SDK1: variants seen among roughly 807,000 people sequenced by gnomAD.
SDK1 encodes the protein protein sidekick-1.
In SDK1, 157 loss-of-function variants were observed where a neutral mutation model predicts 245.5. The ratio of observed to expected loss-of-function variants is 0.64; its 90% CI spans 0.56 to 0.73. The LOEUF (loss-of-function observed/expected upper bound fraction) is 0.73. Among genes scored for constraint, SDK1 ranks in the 30% least tolerant of loss-of-function variants. The pLI is 0.00. For missense variants in SDK1, 3,583 were observed against 3,002.3 expected (o/e 1.19, Z -4.52); for synonymous variants, 1,647 against 1,278.5 (o/e 1.29, Z -6.15).
At chr7:3,710,421 G>T (rs28402987) in intron 4 of SDK1, among the ~76,000 whole-genome samples, 2 of 152,000 alleles carry the variant, frequency 1.3e-5, no homozygotes, top group African/African-American at 2.4e-5. Context: ...CTCAAATCTG[G>T]TTATTCTTTA....
intron 1 of SDK1, among the ~76,000 whole-genome samples, chr7:3,366,702 C>G (rs940666230): frequency 4.0e-5 from 6 of 151,784 alleles, no homozygotes; most frequent in African/African-American, 9.7e-5. Flanking sequence ...TGTCTTTTGC[C>G]TATTTGTATA....
intron 17 of SDK1, among the ~76,000 whole-genome samples, chr7:4,022,890 C>T (rs534382509): frequency 6.6e-6 from 1 of 151,814 alleles, no homozygotes; most frequent in African/African-American, 2.4e-5. Flanking sequence ...TCTCCTGCCT[C>T]AGCCTCCCAA....
At chr7:4,041,304 G>A (rs202102064) in intron 17 of SDK1, among the ~76,000 whole-genome samples, 1 of 108,496 alleles carries the variant, frequency 9.2e-6, no homozygotes, top group African/African-American at 5.5e-5. Context: ...TTTTTTTTTG[G>A]AGTACTTTCA....
intron 1 of SDK1, among the ~76,000 whole-genome samples, chr7:3,324,411 G>A (rs1461105523): frequency 6.6e-6 from 1 of 151,956 alleles, no homozygotes; most frequent in Non-Finnish European, 1.5e-5. Context: ...GCAGTTTTTT[G>A]CTTGCCTGTT....
chr7:4,225,944 G>A (rs543809773), intron 40 of SDK1, among the ~76,000 whole-genome samples: 20 of 146,242 alleles, frequency 1.4e-4, no homozygotes, highest in East Asian at 5.8e-4. Context: ...CAAGCAGGCC[G>A]CGGGACCCGT....
chr7:3,510,000 C>T (rs377115992), intron 1 of SDK1, among the ~76,000 whole-genome samples: 10 of 152,130 alleles, frequency 6.6e-5, no homozygotes, highest in Admixed American at 6.5e-4. Flanking sequence ...CAAGGACTTT[C>T]CAGAGCTCCC....
intron 1 of SDK1, among the ~76,000 whole-genome samples, chr7:3,506,035 A>T (rs1229687663): frequency 1.3e-5 from 2 of 152,126 alleles, no homozygotes; most frequent in African/African-American, 2.4e-5. Flanking sequence ...ATAAGAAAAA[A>T]ATTCATTTGT....
intron 44 of SDK1, among the ~76,000 whole-genome samples, chr7:4,263,319 C>T (rs1583202089): frequency 6.6e-6 from 1 of 150,912 alleles, no homozygotes; most frequent in Admixed American, 6.6e-5. Context: ...TATGTTCTGC[C>T]CTGTAGGGGC....
intron 42 of SDK1, 32 bp from the exon 43 acceptor site, chr7:4,241,761 A>C (rs770170945): frequency 6.2e-7 from 1 of 1,613,424 alleles, no homozygotes; most frequent in Non-Finnish European, 8.5e-7. Flanking sequence ...CACCAGTAAC[A>C]CGTCTGTTCT....
intron 29 of SDK1, among the ~76,000 whole-genome samples, chr7:4,148,789 G>T (rs926395706): frequency 6.6e-6 from 1 of 152,224 alleles, no homozygotes; most frequent in Non-Finnish European, 1.5e-5. Flanking sequence ...TGGGTGTAGT[G>T]GCTCACGCCT....
chr7:3,800,194 A>G (rs562016544), intron 4 of SDK1, among the ~76,000 whole-genome samples: 2 of 152,240 alleles, frequency 1.3e-5, no homozygotes, highest in African/African-American at 4.8e-5. Flanking sequence ...ATGGGGGAAC[A>G]CAAAACTTCC....
intron 4 of SDK1, among the ~76,000 whole-genome samples, chr7:3,809,253 C>G (rs1583436593): frequency 6.6e-6 from 1 of 152,068 alleles, no homozygotes; most frequent in Non-Finnish European, 1.5e-5. Context: ...CCAGATCTCA[C>G]AAGAAGTCAC....
At chr7:3,528,384 G>A (rs1160078353) in intron 1 of SDK1, among the ~76,000 whole-genome samples, 1 of 151,904 alleles carries the variant, frequency 6.6e-6, no homozygotes, top group Non-Finnish European at 1.5e-5. Context: ...TAGGGGGTGA[G>A]TGGTGGGAGG....
intron 4 of SDK1, among the ~76,000 whole-genome samples, chr7:3,657,642 G>T (rs1783229941): frequency 6.6e-6 from 1 of 152,172 alleles, no homozygotes; most frequent in African/African-American, 2.4e-5. Context: ...CATCTGTTTG[G>T]CCTCTGAGGA....
At chr7:3,790,501 T>C (rs1469693777) in intron 4 of SDK1, among the ~76,000 whole-genome samples, 1 of 152,016 alleles carries the variant, frequency 6.6e-6, no homozygotes, top group Non-Finnish European at 1.5e-5. Flanking sequence ...AAATACCAGA[T>C]CACATGGTTA....
In SDK1 at chr7:3,666,028, T is replaced by G. The variant is rs562665136; in HGVS notation, c.713+23923T>G. On this transcript the variant is annotated intron_variant, in intron 4 of 44. Transcript: ENST00000404826. ...TTTCTTCCTGCCACCACCTTTGTTC[T>G]GGCCATTGGCATAATTCTGCTTAGA... 3.9e-5 allele frequency among the ~76,000 whole-genome samples: 6 copies of G among 152,338 alleles called. No individual in the cohort carries two copies. The South Asian group carries it at 1.2e-3, about 32-fold the overall frequency.
intron 1 of SDK1, among the ~76,000 whole-genome samples, chr7:3,369,389 G>C (rs753734265): frequency 3.3e-5 from 5 of 152,148 alleles, no homozygotes; most frequent in Non-Finnish European, 7.3e-5. Context: ...GGTACTGTCT[G>C]TGGTCACTTT....
At chr7:3,506,905 C>G (rs550342004) in intron 1 of SDK1, among the ~76,000 whole-genome samples, 1 of 151,966 alleles carries the variant, frequency 6.6e-6, no homozygotes, top group African/African-American at 2.4e-5. Flanking sequence ...TCATCTCTAT[C>G]ATTGCTATAT....
At chr7:4,205,772 T>C (rs1346006767) in intron 35 of SDK1, 107 bp from the exon 36 acceptor site, 2 of 887,288 alleles carry the variant, frequency 2.3e-6, no homozygotes, top group Non-Finnish European at 3.6e-6. Context: ...TCTCACATGG[T>C]TCCCAGCGGA....
Sources: allele counts gnomAD v4.1 joint callset (sites outside exome capture counted in the v4.1 genomes callset), GRCh38; gene constraint gnomAD v4.1.1; transcripts MANE v1.5; gene names NCBI Gene and HGNC (gene_info 2026-07-23, HGNC 2026-07-21).